Variants in SHMT2 observed in about 807,000 individuals in gnomAD.
The protein encoded by SHMT2 is serine hydroxymethyltransferase 2.
SHMT2 carries 38 observed loss-of-function variants against 59.6 expected under a neutral mutation model. The ratio of observed to expected loss-of-function variants is 0.64; its 90% CI spans 0.49 to 0.84. The LOEUF (loss-of-function observed/expected upper bound fraction) is 0.84. SHMT2 is among the 40% of genes least tolerant of loss of function. The pLI, the probability that SHMT2 is intolerant of heterozygous loss-of-function variation, is 0.00. For missense variants in SHMT2, 533 were observed against 659.5 expected (o/e 0.81, Z 2.10); for synonymous variants, 254 against 258.1 (o/e 0.98, Z 0.15).
In SHMT2 at chr12:57,234,260, C is replaced by T. The variant is rs1377791588; in HGVS notation, c.1414C>T (p.Leu472=). 3.7e-6 allele frequency: 6 copies of T among 1,613,242 alleles called. No homozygotes were observed. The highest frequency in any genetic ancestry group is 1.3e-5 in the African/African-American group (1 of 74,892). The change falls in exon 12 of 12, where the codon CTG becomes TTG. Residue 472 remains leucine (L), a synonymous_variant. Transcript: ENST00000328923. ...CAAGCTCCAGGATTTCAAATCCTTCCTGCTTAAGGACTCAGAAACAAGTCA... is the reference window on the plus strand; with the variant it reads ...CAAGCTCCAGGATTTCAAATCCTTCTTGCTTAAGGACTCAGAAACAAGTCA... The part of the protein sequence containing the change: ...TAKLQDFKSF[L]LKDSETSQRL...
chr12:57,233,855 C>A lies in SHMT2; in HGVS notation c.1230C>A (p.Asn410Lys). Residue 410 changes from asparagine to lysine, a missense_variant, in exon 10 of 12, where the codon AAC becomes AAA. Asn to Lys is a moderately conservative substitution (Grantham distance 94). Transcript: ENST00000328923. ...TTGTATCCATCACTGCCAACAAGAACACCTGTCCTGGAGACCGAAGTGCCA... is the reference window on the plus strand; with the variant it reads ...TTGTATCCATCACTGCCAACAAGAAAACCTGTCCTGGAGACCGAAGTGCCA... ...LELVSITANK[N>K]TCPGDRSAIT... The A allele has an allele frequency of 1.2e-6, 2 of 1,614,198 alleles. No individual in the cohort carries two copies. The highest frequency in any genetic ancestry group is 1.7e-6 in the Non-Finnish European group (2 of 1,180,038).
chr12:57,233,504 G>A, intron 8 of SHMT2, 59 bp from the exon 9 acceptor site: 1 of 1,551,264 alleles, frequency 6.4e-7, no homozygotes, highest in Middle Eastern at 1.8e-4. Context: ...CAGGGCCAGA[G>A]GGTAGTGCAG....
At chr12:57,231,276 G>T in intron 2 of SHMT2, 1 of 630,906 alleles carries the variant, frequency 1.6e-6, no homozygotes. Context: ...AGTTTGAGTG[G>T]GTAGGTGGCA....
chr12:57,231,946 C>T (rs1424047515), intron 4 of SHMT2, 33 bp downstream of exon 4: 8 of 1,576,590 alleles, frequency 5.1e-6, no homozygotes, highest in East Asian at 2.3e-5. Context: ...ATGGTCTTGG[C>T]GGCAGGATTG....
rs1319062101 is a variant in SHMT2, at chr12:57,233,329, C to G, written c.1007C>G (p.Ala336Gly). The change falls in exon 8 of 12, where the codon GCT (alanine) becomes GGT (glycine). Residue 336 changes from alanine to glycine, a missense_variant. Physicochemically the swap from Ala to Gly is moderately conservative, Grantham distance 60. Transcript: ENST00000328923. ...CACAATCATGCCATTGCTGCAGTAG[C>G]TGTGGCCCTAAAGCAGGTTGGGGAT... ...GPHNHAIAAVAVALKQACTPM... is the reference protein window; with the variant it reads ...GPHNHAIAAVGVALKQACTPM... 1 of 1,599,854 alleles carries G rather than the reference C, an allele frequency of 6.3e-7. No individual in the cohort carries two copies. The highest frequency in any genetic ancestry group is 8.5e-7 in the Non-Finnish European group (1 of 1,173,264).
intron 2 of SHMT2, 77 bp from the exon 3 acceptor site, chr12:57,231,404 G>A: frequency 6.8e-7 from 1 of 1,474,694 alleles, no homozygotes; most frequent in Non-Finnish European, 9.3e-7. Context: ...TTTCAGCTCT[G>A]GCTCTGGCAG....
chr12:57,230,271 T>G (rs1592680079), intron 1 of SHMT2: 1 of 1,183,426 alleles, frequency 8.5e-7, no homozygotes, highest in Non-Finnish European at 1.1e-6. Context: ...GGGGAAAGGG[T>G]ATTGGCTTAC....
At position 57,234,286 on chromosome 12, in the gene SHMT2, G is replaced by A; in HGVS notation, c.1440G>A (p.Gln480=). 2 of 1,613,864 alleles carry A rather than the reference G, an allele frequency of 1.2e-6. No individual in the cohort carries two copies. Among genetic ancestry groups the A allele is most frequent in the Non-Finnish European group, 8.5e-7 (1 of 1,179,850 alleles). Residue 480 remains glutamine (Q), a synonymous_variant, in exon 12 of 12, where the codon CAG becomes CAA. Coordinates refer to ENST00000328923, the MANE Select transcript of SHMT2 (RefSeq NM_005412.6). ...TGCTTAAGGACTCAGAAACAAGTCA[G>A]CGTCTGGCCAACCTCAGGCAACGGG... ...SFLLKDSETS[Q]RLANLRQRVE...
chr12:57,230,970 G>GTGTCGTGGCCTGGAGCTCATT lies in SHMT2; in HGVS notation c.202_222dup (p.Cys68_Ile74dup), dbSNP rs750706974. On this transcript the variant is annotated inframe_insertion, in exon 2 of 12. Transcript: ENST00000328923. ...TGCTGCAGAGGGAGAAGGACAGGCA[G>GTGTCGTGGCCTGGAGCTCATT]TGTCGTGGCCTGGAGCTCATTGCCT... is the stretch of plus-strand genomic sequence containing the variant. 6.2e-7 allele frequency: 1 copy of GTGTCGTGGCCTGGAGCTCATT among 1,613,796 alleles called. No individual in the cohort carries two copies. The highest frequency in any genetic ancestry group is 8.5e-7 in the Non-Finnish European group (1 of 1,180,036).
In SHMT2 at chr12:57,234,436, C is replaced by T. The variant is rs569698983; in HGVS notation, c.*75C>T. ...CTACCTGGGCCAGTGAAATAGAAAG[C>T]CTTTCTATTTTTTGGTGCGGGAGGG... On this transcript the variant is annotated 3_prime_UTR_variant, in exon 12 of 12. Transcript: ENST00000328923. 410 of 1,473,838 alleles carry T rather than the reference C, an allele frequency of 2.8e-4. 4 individuals carry two copies. In the South Asian group the frequency reaches 5.0e-3, roughly 18 times the overall value. 91.3% of individuals were successfully genotyped at this position (1,473,838 alleles called of 1,614,324 possible). A position where few individuals can be genotyped will look rare whatever the true frequency, so the allele number is the denominator to read the frequency against.
At chr12:57,233,018 T>C in intron 7 of SHMT2, 162 bp from the exon 8 acceptor site, 1 of 1,241,206 alleles carries the variant, frequency 8.1e-7, no homozygotes, top group Non-Finnish European at 1.1e-6. Context: ...GCAGGGGATT[T>C]GTGGATGGGA....
chr12:57,230,135 G>A (rs989902463), intron 1 of SHMT2: 4 of 1,321,442 alleles, frequency 3.0e-6, no homozygotes, highest in Non-Finnish European at 3.9e-6. Flanking sequence ...GGTCTCACAA[G>A]CTGAGCCTTT....
Position 57,233,682 on chromosome 12 carries a change from G to T in SHMT2, c.1123+20G>T, listed in dbSNP as rs375741543. On this transcript the variant is annotated intron_variant, in intron 9 of 11. Transcript: ENST00000328923. ...TATCAGGTAAGCCAGCAGGTGATGG[G>T]TGAGGGCCTCTGTAGCTTCAGGCAG... 254 of 1,612,770 alleles carry T rather than the reference G, an allele frequency of 1.6e-4. No homozygotes were observed. Among genetic ancestry groups the T allele is most frequent in the Non-Finnish European group, 2.1e-4 (248 of 1,179,056 alleles).
At chr12:57,233,688 G>T (rs1391835217) in intron 9 of SHMT2, 26 bp downstream of exon 9, 1 of 1,613,004 alleles carries the variant, frequency 6.2e-7, no homozygotes, top group African/African-American at 1.3e-5. Flanking sequence ...ATGGGTGAGG[G>T]CCTCTGTAGC....
chr12:57,234,077 G>A lies in SHMT2; in HGVS notation c.1354G>A (p.Val452Ile), dbSNP rs202118297. ...AGTTGTGGACTTTATAGATGAAGGG[G>A]TCAACATTGGCTTAGAGGTGAAGAG... ...RRVVDFIDEG[V>I]NIGLEVKSKT... is the part of the protein sequence containing the mutation. Residue 452 changes from valine (V) to isoleucine (I), a missense_variant, in exon 11 of 12, where the codon GTC becomes ATC. By Grantham distance (29) the Val-to-Ile change is conservative. Coordinates refer to ENST00000328923, the MANE Select transcript of SHMT2 (RefSeq NM_005412.6). 2.5e-6 allele frequency: 4 copies of A among 1,614,088 alleles called. No individual in the cohort carries two copies. Among genetic ancestry groups the A allele is most frequent in the Middle Eastern group, 1.6e-4 (1 of 6,084 alleles).
Position 57,233,268 on chromosome 12 carries a change from A to G in SHMT2, c.946A>G (p.Asn316Asp). 6.2e-7 allele frequency: 1 copy of G among 1,609,884 alleles called. No homozygotes were observed. Among genetic ancestry groups the G allele is most frequent in the Non-Finnish European group, 8.5e-7 (1 of 1,177,918 alleles). Residue 316 changes from asparagine to aspartate, a missense_variant, in exon 8 of 12, where the codon AAC becomes GAC. Coordinates refer to ENST00000328923, the MANE Select transcript of SHMT2 (RefSeq NM_005412.6). Reference protein sequence around the residue: ...EIPYTFEDRINFAVFPSLQGG... With the variant: ...EIPYTFEDRIDFAVFPSLQGG... Reference sequence around the variant, plus strand: ...CCCTTACACATTTGAGGACCGAATCAACTTTGCCGTGTTCCCATCCCTGCA... The same window carrying G: ...CCCTTACACATTTGAGGACCGAATCGACTTTGCCGTGTTCCCATCCCTGCA...
Position 57,234,877 on chromosome 12 carries a change from C to T in SHMT2, c.*516C>T, listed in dbSNP as rs1435126785. ...TTCTGTCTCTGATCAGAGCCGACAC[C>T]AGACGTGATTAGCAGGCGCAGCAAA... is the stretch of plus-strand genomic sequence containing the variant. On this transcript the variant is annotated 3_prime_UTR_variant, in exon 12 of 12. Transcript: ENST00000328923. 2 of 156,928 alleles carry T rather than the reference C, an allele frequency of 1.3e-5. No individual in the cohort carries two copies. The highest frequency in any genetic ancestry group is 6.2e-5 in the Admixed American group (1 of 16,008). 9.7% of individuals were successfully genotyped at this position (156,928 alleles called of 1,614,324 possible).
intron 2 of SHMT2, 95 bp downstream of exon 2, chr12:57,231,095 C>T (rs766847277): frequency 8.3e-6 from 10 of 1,199,254 alleles, no homozygotes; most frequent in African/African-American, 1.5e-5. Context: ...CCCCCTTTCA[C>T]ACTCAGGACC....
intron 1 of SHMT2, 22 bp downstream of exon 1, chr12:57,229,833 C>G (rs1165761608): frequency 5.6e-6 from 9 of 1,613,950 alleles, no homozygotes; most frequent in East Asian, 4.5e-5. Context: ...GCTCCAAACG[C>G]TGGGTAATCA....
Sources: gnomAD v4.1 joint callset for allele counts on GRCh38, gnomAD v4.1.1 for gene constraint, MANE v1.5 for transcripts, NCBI Gene and HGNC (gene_info 2026-07-23, HGNC 2026-07-21) for gene names.